Variants in ATXN1 observed in about 807,000 individuals in gnomAD.
ATXN1 encodes the protein ataxin-1.
In ATXN1, 8 loss-of-function variants were observed where a neutral mutation model predicts 56.4. That is an observed-to-expected ratio of 0.14 (90% CI 0.08 to 0.26). The LOEUF (loss-of-function observed/expected upper bound fraction) is 0.26. Among genes scored for constraint, ATXN1 ranks in the 10% least tolerant of loss-of-function variants. The pLI is 1.00. For synonymous variants in ATXN1, 514 were observed against 494.6 expected (o/e 1.04, Z -0.52); for missense variants, 987 against 1,106.5 (o/e 0.89, Z 1.53).
chr6:16,678,746 A>G (rs1217253771), intron 2 of ATXN1, among the ~76,000 whole-genome samples: 4 of 152,156 alleles, frequency 2.6e-5, no homozygotes, highest in African/African-American at 9.7e-5. Flanking sequence ...AAAAGAAAGG[A>G]GTGAAGGGGC....
chr6:16,307,612 T>C (rs1270721494), intron 7 of ATXN1, among the ~76,000 whole-genome samples: 1 of 150,120 alleles, frequency 6.7e-6, no homozygotes, highest in African/African-American at 2.5e-5. Context: ...AGGCAGATGT[T>C]GCAGCGAGCC....
chr6:16,389,570 G>A (rs1195317579), intron 6 of ATXN1, among the ~76,000 whole-genome samples: 2 of 152,228 alleles, frequency 1.3e-5, no homozygotes, highest in African/African-American at 4.8e-5. Flanking sequence ...GGAGGCAGCA[G>A]TAGTCTTGGT....
intron 4 of ATXN1, among the ~76,000 whole-genome samples, chr6:16,524,631 T>C (rs911927963): frequency 2.6e-5 from 4 of 152,214 alleles, no homozygotes; most frequent in Admixed American, 6.5e-5. Context: ...TAGTTTTTAG[T>C]GTGGCGCTTG....
In ATXN1 at chr6:16,306,877, G is replaced by A. The variant is rs757790387; in HGVS notation, c.1918-18C>T. ...ACGCTGACCTGTGGAAACAGGGAGA[G>A]ACAGAGAGAGGAAGAAGGAAGGGAA... is the stretch of plus-strand genomic sequence containing the variant. On this transcript the variant is annotated intron_variant, in intron 7 of 7. Transcript: ENST00000436367. This position sits in a 1 kb window ranked among gnomAD's most constrained non-coding sequence, Gnocchi z 5.2. The A allele has an allele frequency of 1.3e-6, 2 of 1,575,524 alleles. No homozygotes were observed. The highest frequency in any genetic ancestry group is 1.2e-5 in the South Asian group (1 of 86,712).
chr6:16,388,708 G>C, intron 6 of ATXN1, among the ~76,000 whole-genome samples: 1 of 152,164 alleles, frequency 6.6e-6, no homozygotes, highest in Non-Finnish European at 1.5e-5. Flanking sequence ...CCACAGCCCA[G>C]CTAGTGGAAT....
At chr6:16,639,961 C>A (rs763591668) in intron 3 of ATXN1, among the ~76,000 whole-genome samples, 2 of 151,964 alleles carry the variant, frequency 1.3e-5, no homozygotes, top group Non-Finnish European at 2.9e-5. Flanking sequence ...ATGGACAGAA[C>A]GTTATTTTTT....
intron 2 of ATXN1, among the ~76,000 whole-genome samples, chr6:16,683,246 C>T (rs376705169): frequency 6.6e-6 from 1 of 152,224 alleles, no homozygotes; most frequent in South Asian, 2.1e-4. Context: ...TAGCTTTCTT[C>T]ACCTTGGACT....
chr6:16,759,864 T>C (rs1761015031), intron 1 of ATXN1, among the ~76,000 whole-genome samples: 1 of 151,942 alleles, frequency 6.6e-6, no homozygotes, highest in Non-Finnish European at 1.5e-5. Context: ...GCCACGGAGT[T>C]TAAGAAGGCA....
chr6:16,482,489 C>G (rs2137875), intron 6 of ATXN1, among the ~76,000 whole-genome samples: 67,371 of 151,968 alleles, frequency 0.44, 15,482 homozygotes, highest in Non-Finnish European at 0.5. Context: ...TCAGGGAAGG[C>G]TGCTTTGATA....
At chr6:16,706,549 C>A (rs1462132195) in intron 2 of ATXN1, among the ~76,000 whole-genome samples, 1 of 151,904 alleles carries the variant, frequency 6.6e-6, no homozygotes, top group Admixed American at 6.6e-5. Flanking sequence ...AAGGTGAAAC[C>A]CTGTCTCTAC....
intron 7 of ATXN1, among the ~76,000 whole-genome samples, chr6:16,320,856 C>T (rs901304156): frequency 2.0e-5 from 3 of 152,194 alleles, no homozygotes; most frequent in Non-Finnish European, 4.4e-5. Context: ...GTGCTCGCCT[C>T]GGCCACTCGC....
chr6:16,737,674 G>C (rs1269562842), intron 2 of ATXN1: 2 of 152,160 alleles, frequency 1.3e-5, no homozygotes, highest in African/African-American at 4.8e-5. Flanking sequence ...GGAAACTCCA[G>C]CCATAATATT....
chr6:16,352,958 G>A (rs1761601328), intron 6 of ATXN1, among the ~76,000 whole-genome samples: 1 of 152,116 alleles, frequency 6.6e-6, no homozygotes, highest in African/African-American at 2.4e-5. Context: ...TCCCACCACA[G>A]TGGATCTAAG....
chr6:16,522,955 G>A (rs938064860), intron 4 of ATXN1, among the ~76,000 whole-genome samples: 2 of 152,214 alleles, frequency 1.3e-5, no homozygotes, highest in African/African-American at 4.8e-5. Context: ...CTTGTGACAA[G>A]GAGTCCATAT....
chr6:16,388,171 T>C (rs1257645922), intron 6 of ATXN1, among the ~76,000 whole-genome samples: 1 of 152,202 alleles, frequency 6.6e-6, no homozygotes, highest in Admixed American at 6.5e-5. Flanking sequence ...GACAGTCTCT[T>C]AACCAAAGAA....
rs1031532814 is a variant in ATXN1 at position 16,760,830 on chromosome 6, C to G, written c.-730+468G>C. Among the ~76,000 whole-genome samples the G allele has an allele frequency of 1.5e-4, 23 of 151,128 alleles. No homozygotes were observed. Among genetic ancestry groups the G allele is most frequent in the Admixed American group, 1.2e-3 (18 of 15,216 alleles). On this transcript the variant is annotated intron_variant, in intron 1 of 7. Transcript: ENST00000436367. The surrounding 1 kb of genome is among the most constrained non-coding windows in gnomAD (Gnocchi z 5.3). ...CCCCAACCCCAGCCGCCGCCTCCCC[C>G]CTGCGCCACCCGGAGGGAGGAGGAC...
Position 16,574,822 on chromosome 6 carries a change from C to CTT in ATXN1, c.-361+10956_-361+10957dup, listed in dbSNP as rs60679834. On this transcript the variant is annotated intron_variant, in intron 4 of 7. Transcript: ENST00000436367. ...TTCACCAGTTTTTGCACCAAACAGG[C>CTT]TTTTTTTTTTTTTTTCCTGTTTCAG... is the stretch of plus-strand genomic sequence containing the variant. Among the ~76,000 whole-genome samples, 94 of 136,638 alleles carry CTT rather than the reference C, an allele frequency of 6.9e-4. No individual in the cohort carries two copies. The Middle Eastern group carries it at 0.011, about 16-fold the overall frequency. 89.6% of individuals were successfully genotyped at this position (136,638 alleles called of 152,430 possible).
chr6:16,602,672 G>T (rs180876777), intron 3 of ATXN1, among the ~76,000 whole-genome samples: 14 of 152,092 alleles, frequency 9.2e-5, no homozygotes, highest in Admixed American at 9.2e-4. Flanking sequence ...GAATGGTCTT[G>T]ATCTCTTGAC....
At chr6:16,577,562 T>C (rs1189305819) in intron 4 of ATXN1, among the ~76,000 whole-genome samples, 1 of 151,488 alleles carries the variant, frequency 6.6e-6, no homozygotes, top group East Asian at 1.9e-4. Flanking sequence ...TCATGTGGTT[T>C]ACCGCTTAAC....
Sources: gnomAD v4.1 joint callset for allele counts (sites outside exome capture counted in the v4.1 genomes callset) on GRCh38, gnomAD v4.1.1 for gene constraint, Gnocchi (gnomAD v3.1) non-coding constraint, MANE v1.5 for transcripts, NCBI Gene and HGNC (gene_info 2026-07-23, HGNC 2026-07-21) for gene names.